Variants in TRPM8 observed in about 807,000 individuals in gnomAD.
TRPM8 encodes the protein TRPM8 cationic channel.
TRPM8 carries 110 observed loss-of-function variants against 133.7 expected under a neutral mutation model. The ratio of observed to expected loss-of-function variants is 0.82; its 90% CI spans 0.70 to 0.96. TRPM8 has a LOEUF of 0.96. Ranked by LOEUF, TRPM8 falls within the 40% of genes least tolerant of loss-of-function variation. TRPM8 has a pLI of 0.00. For missense variants in TRPM8, 1,291 were observed against 1,379.5 expected, an observed-to-expected ratio of 0.94 and a Z score of 1.02; for synonymous variants, 535 against 532.3, an observed-to-expected ratio of 1.01 and a Z score of -0.07.
At chr2:233,952,878 C>T (rs540527638) in intron 9 of TRPM8, among the ~76,000 whole-genome samples, 1 of 152,198 alleles carries the variant, frequency 6.6e-6, no homozygotes, top group East Asian at 1.9e-4. Flanking sequence ...CTTGGTACTG[C>T]CCACCTTCAC....
chr2:233,962,532 C>T (rs1276478262), intron 12 of TRPM8, among the ~76,000 whole-genome samples: 2 of 152,178 alleles, frequency 1.3e-5, no homozygotes, highest in Non-Finnish European at 2.9e-5. Flanking sequence ...TCTGGGGAAA[C>T]CCAAACTAGG....
chr2:233,987,211 C>T (rs1298722337), intron 21 of TRPM8, among the ~76,000 whole-genome samples: 1 of 152,140 alleles, frequency 6.6e-6, no homozygotes, highest in Non-Finnish European at 1.5e-5. Context: ...TATTATGCCG[C>T]TCTTAAAAGA....
chr2:233,990,207 G>A (rs775088276), intron 21 of TRPM8, among the ~76,000 whole-genome samples: 3 of 152,232 alleles, frequency 2.0e-5, no homozygotes, highest in Non-Finnish European at 2.9e-5. Flanking sequence ...CTTTACAGGG[G>A]TCGCCTCATT....
intron 21 of TRPM8, among the ~76,000 whole-genome samples, chr2:233,993,955 A>T (rs1372511703): frequency 1.3e-5 from 2 of 152,240 alleles, no homozygotes; most frequent in African/African-American, 4.8e-5. Flanking sequence ...ATATATAGTC[A>T]AAGATTTCTA....
chr2:234,008,373 A>G (rs567411972), intron 24 of TRPM8, among the ~76,000 whole-genome samples: 3 of 152,294 alleles, frequency 2.0e-5, no homozygotes, highest in Admixed American at 2.0e-4. Context: ...TCAGCTGTGG[A>G]GGCAGGTGAA....
chr2:233,975,086 T>G (rs960853653), intron 17 of TRPM8, among the ~76,000 whole-genome samples: 1 of 152,216 alleles, frequency 6.6e-6, no homozygotes, highest in African/African-American at 2.4e-5. Flanking sequence ...TGGGAGGTCC[T>G]TTGAGCTTTT....
intron 7 of TRPM8, chr2:233,946,365 A>G: frequency 4.9e-6 from 1 of 202,972 alleles, no homozygotes; most frequent in African/African-American, 2.3e-5. Flanking sequence ...TGAGTTTATG[A>G]AACAACGCAA....
intron 25 of TRPM8, among the ~76,000 whole-genome samples, chr2:234,016,331 T>G (rs1692955378): frequency 6.6e-6 from 1 of 152,194 alleles, no homozygotes. Flanking sequence ...CATGTCCAAC[T>G]TTTTGTATGC....
intron 18 of TRPM8, among the ~76,000 whole-genome samples, chr2:233,981,503 G>A (rs918394378): frequency 2.6e-5 from 4 of 152,132 alleles, no homozygotes; most frequent in African/African-American, 9.7e-5. Context: ...CTGCTGTAGT[G>A]TGTGAGGATG....
chr2:233,970,455 C>T (rs921674713), intron 17 of TRPM8, 29 bp downstream of exon 17: 3 of 1,599,020 alleles, frequency 1.9e-6, no homozygotes, highest in Non-Finnish European at 2.6e-6. Context: ...CAGGAACCCC[C>T]TCGCTTCCTC....
In TRPM8 at chr2:233,947,112, C is replaced by A; in HGVS notation, c.899C>A (p.Pro300His). 1 of 1,614,038 alleles carries A rather than the reference C, an allele frequency of 6.2e-7. No individual in the cohort carries two copies. The highest frequency in any genetic ancestry group is 8.5e-7 in the Non-Finnish European group (1 of 1,179,944). ...GATTCCAACTATGGTGGCAAGATCC[C>A]CATTGTGTGTTTTGCCCAAGGAGGT... ...IQDSNYGGKI[P>H]IVCFAQGGGK... Residue 300 changes from proline (P) to histidine (H), a missense_variant, in exon 8 of 26, where the codon CCC (proline) becomes CAC (histidine). Pro to His is a moderately conservative substitution (Grantham distance 77). Around this residue, in one of 2 missense-constraint regions of TRPM8, gnomAD observed 963 missense variants for 968.9 expected, o/e 0.99. Transcript: ENST00000324695.
In TRPM8 at chr2:233,970,430, G is replaced by A. The variant is rs1430842685; in HGVS notation, c.2355+4G>A. 4.3e-6 allele frequency: 7 copies of A among 1,613,612 alleles called. No homozygotes were observed. Among genetic ancestry groups the A allele is most frequent in the Non-Finnish European group, 5.9e-6 (7 of 1,179,866 alleles). On this transcript the variant is annotated splice_donor_region_variant and intron_variant, in intron 17 of 25. Transcript: ENST00000324695. ...CTTCTGTGATGAAGTGAGACAGGTA[G>A]GGCTGCCATGACAGCAGGAACCCCC...
intron 2 of TRPM8, among the ~76,000 whole-genome samples, chr2:233,927,924 T>TTCTCTCTCTCTTTCTC (rs1691594138): frequency 1.4e-4 from 4 of 28,050 alleles, no homozygotes; most frequent in Non-Finnish European, 2.2e-4. Context: ...CTCTCTCTCT[T>TTCTCTCTCTCTTTCTC]TCTCTCTCTC....
intron 6 of TRPM8, among the ~76,000 whole-genome samples, chr2:233,945,237 C>T (rs191237091): frequency 1.8e-4 from 28 of 152,252 alleles, no homozygotes; most frequent in African/African-American, 6.0e-4. Context: ...GAGTGAGGAA[C>T]CTTTTTGGTA....
chr2:233,944,177 A>G lies in TRPM8; in HGVS notation c.699+1429A>G, dbSNP rs374332230. Among the ~76,000 whole-genome samples, 5 of 152,258 alleles carry G rather than the reference A, an allele frequency of 3.3e-5. No individual in the cohort carries two copies. The East Asian group carries it at 5.8e-4, about 18-fold the overall frequency. ...TTGTGCAGAGTGAATGGTAGCTTCT[A>G]TTATTATTACTAGATGCCCAACAGG... is the stretch of plus-strand genomic sequence containing the variant. On this transcript the variant is annotated intron_variant, in intron 6 of 25. Coordinates refer to ENST00000324695, the MANE Select transcript of TRPM8 (RefSeq NM_024080.5).
chr2:233,974,812 A>G (rs1466933542), intron 17 of TRPM8, among the ~76,000 whole-genome samples: 1 of 152,166 alleles, frequency 6.6e-6, no homozygotes, highest in East Asian at 1.9e-4. Flanking sequence ...ATTGAGTAGA[A>G]TCAAGTGACA....
chr2:233,975,839 A>C (rs975335908), intron 17 of TRPM8, among the ~76,000 whole-genome samples: 3 of 152,158 alleles, frequency 2.0e-5, no homozygotes, highest in Admixed American at 2.0e-4. Flanking sequence ...CTGAGATTGC[A>C]CCACTGCACT....
At chr2:233,964,570 A>G (rs959503356) in intron 13 of TRPM8, 58 bp from the exon 14 acceptor site, 183 of 1,345,850 alleles carry the variant, frequency 1.4e-4, no homozygotes, top group Non-Finnish European at 1.7e-4. Context: ...AAAAAAAAAA[A>G]AAAAAAAGAA....
At chr2:233,954,936 T>C (rs1023355995) in intron 10 of TRPM8, 196 bp from the exon 11 acceptor site, 3 of 512,654 alleles carry the variant, frequency 5.9e-6, no homozygotes, top group African/African-American at 1.9e-5. Flanking sequence ...TTGATCCCCA[T>C]TATAAACTTT....
Sources: allele counts gnomAD v4.1 joint callset (sites outside exome capture counted in the v4.1 genomes callset), GRCh38; gene constraint gnomAD v4.1.1; regional missense constraint gnomAD v4.1.1; transcripts MANE v1.5; gene names NCBI Gene and HGNC (gene_info 2026-07-23, HGNC 2026-07-21).